Variants in TM6SF1 observed in about 807,000 individuals in gnomAD.
The protein encoded by TM6SF1 is transmembrane 6 superfamily member 1.
TM6SF1 carries 43 observed loss-of-function variants against 47.1 expected under a neutral mutation model. That is an observed-to-expected ratio of 0.91 (90% CI 0.72 to 1.18). The LOEUF is 1.18. Ranked by LOEUF, TM6SF1 falls within the 50% of genes most tolerant of loss-of-function variation. TM6SF1 has a pLI of 0.00. For synonymous variants in TM6SF1, 177 were observed against 166.3 expected (o/e 1.06, Z -0.49); for missense variants, 390 against 449.0 (o/e 0.87, Z 1.19).
chr15:83,126,950 T>A, intron 8 of TM6SF1, 103 bp downstream of exon 8: 1 of 869,840 alleles, frequency 1.1e-6, no homozygotes, highest in Non-Finnish European at 1.8e-6. Flanking sequence ...CCCAGCACTT[T>A]GGGAGGCCGA....
At chr15:83,125,905 G>GTT (rs1271778293) in intron 7 of TM6SF1, among the ~76,000 whole-genome samples, 1 of 152,204 alleles carries the variant, frequency 6.6e-6, no homozygotes. Flanking sequence ...GAGGGGCATG[G>GTT]GGAAGAGAAG....
At chr15:83,125,328 T>A (rs1326051289) in intron 7 of TM6SF1, among the ~76,000 whole-genome samples, 1 of 152,158 alleles carries the variant, frequency 6.6e-6, no homozygotes, top group East Asian at 1.9e-4. Flanking sequence ...GCATTTCATG[T>A]TTTCTATTTT....
intron 6 of TM6SF1, among the ~76,000 whole-genome samples, 160 bp downstream of exon 6, chr15:83,123,038 T>G (rs1381279081): frequency 6.6e-6 from 1 of 152,232 alleles, no homozygotes; most frequent in African/African-American, 2.4e-5. Context: ...ACGTATTAAT[T>G]AATGTAGGCA....
At chr15:83,133,490 C>G (rs967200713) in intron 9 of TM6SF1, 4 of 152,150 alleles carry the variant, frequency 2.6e-5, no homozygotes, top group African/African-American at 7.2e-5. Flanking sequence ...AAAAAAAAAT[C>G]AGAGTATATC....
chr15:83,107,867 C>T lies in TM6SF1; in HGVS notation c.92+95C>T. 1.4e-6 allele frequency: 2 copies of T among 1,412,068 alleles called. No individual in the cohort carries two copies. 87.5% of individuals were successfully genotyped at this position (1,412,068 alleles called of 1,614,324 possible). A position where few individuals can be genotyped will look rare whatever the true frequency, so the allele number is the denominator to read the frequency against. ...CGCAACTTTTCCGAGGGGGCTGGGA[C>T]CGTCCGCCGCGGGACAGAGGTTCGT... On this transcript the variant is annotated intron_variant, in intron 1 of 9. Coordinates refer to ENST00000322019, the MANE Select transcript of TM6SF1 (RefSeq NM_023003.5). This position sits in a 1 kb window ranked among gnomAD's most constrained non-coding sequence, Gnocchi z 5.6.
chr15:83,112,688 A>G lies in TM6SF1; in HGVS notation c.93-109A>G, dbSNP rs537566741. On this transcript the variant is annotated intron_variant, in intron 1 of 9. Transcript: ENST00000322019. ...GGGAGCTGCAGGCAGAGGCAGAATT[A>G]TGGATGAATTATGCAGCACTAGGAG... 2.1e-5 allele frequency: 17 copies of G among 805,208 alleles called. No homozygotes were observed. In the South Asian group the frequency reaches 2.4e-4, roughly 11 times the overall value. 49.9% of individuals were successfully genotyped at this position (805,208 alleles called of 1,614,324 possible).
intron 1 of TM6SF1, among the ~76,000 whole-genome samples, chr15:83,108,378 C>T (rs1361289550): frequency 6.7e-6 from 1 of 148,666 alleles, no homozygotes; most frequent in Admixed American, 6.7e-5. Flanking sequence ...TTGTGTGCGT[C>T]CTATTGTAAG....
intron 9 of TM6SF1, 44 bp downstream of exon 9, chr15:83,127,521 T>A: frequency 6.2e-7 from 1 of 1,606,514 alleles, no homozygotes. Flanking sequence ...GTGGTCTAGG[T>A]GTCAATTGTT....
intron 9 of TM6SF1, chr15:83,131,089 C>T (rs890296401): frequency 2.0e-5 from 3 of 151,670 alleles, no homozygotes; most frequent in Non-Finnish European, 4.4e-5. Flanking sequence ...GAGACCCTGT[C>T]TCTCCCACCA....
At chr15:83,131,946 A>C (rs1359678026) in intron 9 of TM6SF1, 1 of 152,212 alleles carries the variant, frequency 6.6e-6, no homozygotes, top group Non-Finnish European at 1.5e-5. Context: ...CTAAAATATC[A>C]ATGAAAATGA....
At position 83,136,874 on chromosome 15, in the gene TM6SF1, A is replaced by T; in HGVS notation, c.*202A>T. ...GAAATTCTTGAGAAACAGTTTGTTTAAAGAAATATATTCAAAATCATTTGT... is the reference window on the plus strand; with the variant it reads ...GAAATTCTTGAGAAACAGTTTGTTTTAAGAAATATATTCAAAATCATTTGT... On this transcript the variant is annotated 3_prime_UTR_variant, in exon 10 of 10. Transcript: ENST00000322019. 1 of 393,150 alleles carries T rather than the reference A, an allele frequency of 2.5e-6. No homozygotes were observed. Among genetic ancestry groups the T allele is most frequent in the Non-Finnish European group, 4.6e-6 (1 of 219,504 alleles). The allele number at this position is 393,150 out of a possible 1,614,324, so 24.4% of individuals were successfully genotyped here.
rs377517609 is a variant in TM6SF1 at position 83,111,163 on chromosome 15, C to T, written c.93-1634C>T. The stretch of plus-strand genomic sequence containing the variant: ...CTTGGATTACAGGTGTGAGCCACTG[C>T]GCCCGGCCTCATTCTTATCATAGAA... On this transcript the variant is annotated intron_variant, in intron 1 of 9. Transcript: ENST00000322019. Among the ~76,000 whole-genome samples the T allele has an allele frequency of 1.8e-4, 27 of 152,294 alleles. No homozygotes were observed. In the East Asian group the frequency reaches 2.7e-3, roughly 15 times the overall value.
At chr15:83,113,237 T>TC (rs1046232891) in intron 2 of TM6SF1, 8 of 384,824 alleles carry the variant, frequency 2.1e-5, no homozygotes, top group African/African-American at 6.1e-5. Flanking sequence ...CTACTAGCAG[T>TC]CCCCCCCACT....
intron 9 of TM6SF1, chr15:83,131,913 T>G (rs999898544): frequency 2.6e-5 from 4 of 152,208 alleles, no homozygotes; most frequent in Non-Finnish European, 5.9e-5. Context: ...TAGCATTTCC[T>G]ATCAATTGAA....
At chr15:83,122,965 T>G in intron 6 of TM6SF1, 87 bp downstream of exon 6, 1 of 1,488,072 alleles carries the variant, frequency 6.7e-7, no homozygotes, top group Non-Finnish European at 9.2e-7. Flanking sequence ...ACCATGCCTC[T>G]GTGGACTGGA....
At chr15:83,120,234 G>C (rs2035093286) in intron 4 of TM6SF1, 1 of 157,730 alleles carries the variant, frequency 6.3e-6, no homozygotes, top group African/African-American at 2.4e-5. Flanking sequence ...CCCCCATCAT[G>C]ATATGCTAGC....
At chr15:83,122,058 T>A (rs1484808045) in intron 5 of TM6SF1, 55 bp downstream of exon 5, 2 of 1,357,820 alleles carry the variant, frequency 1.5e-6, no homozygotes, top group African/African-American at 2.9e-5. Context: ...TGGGGCTTGT[T>A]TTTAAATAGA....
chr15:83,127,372 G>A lies in TM6SF1; in HGVS notation c.816G>A (p.Met272Ile). Residue 272 changes from methionine (M) to isoleucine (I), a missense_variant, in exon 9 of 10, where the codon ATG becomes ATA. Physicochemically the swap from Met to Ile is conservative, Grantham distance 10. Coordinates refer to ENST00000322019, the MANE Select transcript of TM6SF1 (RefSeq NM_023003.5). Reference sequence around the variant, plus strand: ...GTTCAATACAGATGCTGGCATATATGTTCTATTCTGTTCCTTACTTTGTGA... The same window carrying A: ...GTTCAATACAGATGCTGGCATATATATTCTATTCTGTTCCTTACTTTGTGA... ...AYPKIQMLAYMFYSVPYFVTA... is the reference protein window; with the variant it reads ...AYPKIQMLAYIFYSVPYFVTA... 1 of 1,613,624 alleles carries A rather than the reference G, an allele frequency of 6.2e-7. No homozygotes were observed. The highest frequency in any genetic ancestry group is 1.1e-5 in the South Asian group (1 of 91,014).
intron 1 of TM6SF1, among the ~76,000 whole-genome samples, chr15:83,111,924 G>T (rs1367776184): frequency 6.6e-6 from 1 of 152,060 alleles, no homozygotes; most frequent in Non-Finnish European, 1.5e-5. Flanking sequence ...TTTTTTGCTT[G>T]CTATGTTTTT....
Sources: gnomAD v4.1 joint callset for allele counts (sites outside exome capture counted in the v4.1 genomes callset) on GRCh38, gnomAD v4.1.1 for gene constraint, Gnocchi (gnomAD v3.1) non-coding constraint, MANE v1.5 for transcripts, NCBI Gene and HGNC (gene_info 2026-07-23, HGNC 2026-07-21) for gene names.